Variants in FBP1 observed in about 807,000 individuals in gnomAD.
FBP1 encodes the protein fructose-bisphosphatase 1, also known as fructose-1,6-bisphosphatase 1.
A neutral mutation model predicts 29.9 loss-of-function variants in FBP1; 22 were observed. That is an observed-to-expected ratio of 0.74 (90% CI 0.53 to 1.05). The LOEUF (loss-of-function observed/expected upper bound fraction) is 1.05. Among genes scored for constraint, FBP1 ranks in the 50% least tolerant of loss-of-function variants. FBP1 has a pLI of 0.00. For synonymous variants in FBP1, 175 were observed against 178.6 expected, an observed-to-expected ratio of 0.98 and a Z score of 0.16; for missense variants, 345 against 448.2, an observed-to-expected ratio of 0.77 and a Z score of 2.08.
chr9:94,603,415 A>C lies in FBP1; in HGVS notation c.983T>G (p.Phe328Cys), dbSNP rs1372483594. Residue 328 changes from phenylalanine to cysteine, a missense_variant, in exon 7 of 7, where the codon TTC becomes TGC. Coordinates refer to ENST00000375326, the MANE Select transcript of FBP1 (RefSeq NM_000507.4). The part of the protein sequence containing the change: ...ILGSPDDVLE[F>C]LKVYEKHSAQ ...AGAGTGCTTCTCATACACCTTCAGGAACTCGAGCACGTCGTCGGGGGATCC... is the reference window on the plus strand; with the variant it reads ...AGAGTGCTTCTCATACACCTTCAGGCACTCGAGCACGTCGTCGGGGGATCC... 2 of 1,613,930 alleles carry C rather than the reference A, an allele frequency of 1.2e-6. No individual in the cohort carries two copies. Among genetic ancestry groups the C allele is most frequent in the East Asian group, 4.5e-5 (2 of 44,880 alleles).
intron 1 of FBP1, among the ~76,000 whole-genome samples, chr9:94,620,839 C>A (rs1455130419): frequency 1.3e-5 from 2 of 152,168 alleles, no homozygotes; most frequent in Non-Finnish European, 2.9e-5. Flanking sequence ...GTGCAGCAAA[C>A]CACCATGGCA....
intron 1 of FBP1, among the ~76,000 whole-genome samples, chr9:94,629,655 G>C (rs910020095): frequency 7.2e-5 from 11 of 152,096 alleles, no homozygotes; most frequent in African/African-American, 2.2e-4. Flanking sequence ...TGGGGAGGTA[G>C]GGGGGAGGGT....
chr9:94,635,598 G>T (rs1828180297), intron 1 of FBP1, among the ~76,000 whole-genome samples: 1 of 152,198 alleles, frequency 6.6e-6, no homozygotes, highest in South Asian at 2.1e-4. Flanking sequence ...AATGAATGTA[G>T]GTTGGGGGCC....
Position 94,603,152 on chromosome 9 carries a change from A to G in FBP1, c.*229T>C, listed in dbSNP as rs964620048. 3.5e-6 allele frequency: 2 copies of G among 568,786 alleles called. No homozygotes were observed. The highest frequency in any genetic ancestry group is 3.1e-5 in the Admixed American group (1 of 32,654). The allele number at this position is 568,786 out of a possible 1,614,324, so 35.2% of individuals were successfully genotyped here. ...GGAGACTTTTTTTTAAGGAGGAATA[A>G]GTTTATTTCTCCTCCATCCACTCAA... On this transcript the variant is annotated 3_prime_UTR_variant, in exon 7 of 7. Coordinates refer to ENST00000375326, the MANE Select transcript of FBP1 (RefSeq NM_000507.4).
At chr9:94,607,540 G>C (rs1202346874) in intron 4 of FBP1, among the ~76,000 whole-genome samples, 1 of 152,200 alleles carries the variant, frequency 6.6e-6, no homozygotes, top group East Asian at 1.9e-4. Flanking sequence ...TTTGCTCGCT[G>C]GCGTGTGAAG....
chr9:94,618,071 C>G (rs1273145839), intron 2 of FBP1, among the ~76,000 whole-genome samples: 3 of 152,074 alleles, frequency 2.0e-5, no homozygotes, highest in African/African-American at 7.2e-5. Context: ...GAAAATACCA[C>G]TTAAGAGGTG....
intron 1 of FBP1, among the ~76,000 whole-genome samples, chr9:94,638,634 C>CG (rs3841715): frequency 7.7e-6 from 1 of 129,722 alleles, no homozygotes; most frequent in Non-Finnish European, 1.7e-5. Flanking sequence ...GCGGGGGGGG[C>CG]GGGGGGGACA....
In FBP1 at chr9:94,610,030, G is replaced by A. The variant is rs863223964; in HGVS notation, c.458C>T (p.Ala153Val). 2 of 1,614,038 alleles carry A rather than the reference G, an allele frequency of 1.2e-6. No individual in the cohort carries two copies. Among genetic ancestry groups the A allele is most frequent in the Middle Eastern group, 1.6e-4 (1 of 6,084 alleles). ...KSTDEPSEKD[A>V]LQPGRNLVAA... ...CACCAGGTTCCGGCCTGGTTGCAGAGCATCCTTCTCAGAAGGCTCATCAGT... is the reference window on the plus strand; with the variant it reads ...CACCAGGTTCCGGCCTGGTTGCAGAACATCCTTCTCAGAAGGCTCATCAGT... Residue 153 changes from alanine to valine, a missense_variant, in exon 4 of 7, where the codon GCT becomes GTT. Ala to Val is a moderately conservative substitution (Grantham distance 64). Coordinates refer to ENST00000375326, the MANE Select transcript of FBP1 (RefSeq NM_000507.4).
At chr9:94,605,251 A>ACTC (rs1587852580) in intron 6 of FBP1, among the ~76,000 whole-genome samples, 1 of 152,198 alleles carries the variant, frequency 6.6e-6, no homozygotes, top group East Asian at 1.9e-4. Flanking sequence ...TTGCCATAGC[A>ACTC]CTGGAAGGGC....
chr9:94,631,257 A>C (rs1828101359), intron 1 of FBP1, among the ~76,000 whole-genome samples: 2 of 152,180 alleles, frequency 1.3e-5, no homozygotes, highest in African/African-American at 4.8e-5. Context: ...AGCAGAACTC[A>C]ACTGGAGAAA....
intron 1 of FBP1, among the ~76,000 whole-genome samples, chr9:94,622,547 G>T (rs1827964665): frequency 6.6e-6 from 1 of 152,180 alleles, no homozygotes; most frequent in African/African-American, 2.4e-5. Context: ...CACATGCCTG[G>T]TCCGGCCTGA....
chr9:94,624,904 G>A (rs1828001001), intron 1 of FBP1, among the ~76,000 whole-genome samples: 1 of 152,086 alleles, frequency 6.6e-6, no homozygotes, highest in African/African-American at 2.4e-5. Context: ...TAAATTCAGA[G>A]AGAGGAGACC....
intron 1 of FBP1, among the ~76,000 whole-genome samples, chr9:94,634,347 G>A (rs910430242): frequency 3.3e-5 from 5 of 151,788 alleles, no homozygotes; most frequent in African/African-American, 1.2e-4. Flanking sequence ...TCTATTGCGT[G>A]TTAGAACGAT....
intron 2 of FBP1, among the ~76,000 whole-genome samples, chr9:94,619,244 A>T (rs1341914098): frequency 6.6e-6 from 1 of 152,154 alleles, no homozygotes; most frequent in Non-Finnish European, 1.5e-5. Flanking sequence ...CTATTTTAGG[A>T]ATGATGAAAA....
chr9:94,606,403 C>G (rs531758474), intron 5 of FBP1, among the ~76,000 whole-genome samples: 5 of 152,300 alleles, frequency 3.3e-5, no homozygotes, highest in African/African-American at 1.2e-4. Context: ...CACATTTCAT[C>G]CCATCTGGGA....
chr9:94,636,423 A>G (rs1828190956), intron 1 of FBP1, among the ~76,000 whole-genome samples: 2 of 152,078 alleles, frequency 1.3e-5, no homozygotes, highest in African/African-American at 4.8e-5. Flanking sequence ...GGCTGCAGTG[A>G]GCCATTATCA....
chr9:94,639,215 G>T lies in FBP1; in HGVS notation c.96C>A (p.Thr32=), dbSNP rs765322852. Residue 32 remains threonine, a synonymous_variant, in exon 1 of 7, where the codon ACC becomes ACA. Transcript: ENST00000375326. ...GRKARGTGEL[T]QLLNSLCTAV... ...CTGTGCAGAGCGAGTTGAGCAGCTGGGTCAACTCGCCCGTGCCGCGGGCCT... is the reference window on the plus strand; with the variant it reads ...CTGTGCAGAGCGAGTTGAGCAGCTGTGTCAACTCGCCCGTGCCGCGGGCCT... 7.5e-6 allele frequency: 12 copies of T among 1,601,696 alleles called. No homozygotes were observed. The highest frequency in any genetic ancestry group is 1.0e-5 in the Non-Finnish European group (12 of 1,174,626).
Position 94,606,817 on chromosome 9 carries a change from G to C in FBP1, c.703C>G (p.Pro235Ala). 6.2e-7 allele frequency: 1 copy of C among 1,613,568 alleles called. No homozygotes were observed. The highest frequency in any genetic ancestry group is 8.5e-7 in the Non-Finnish European group (1 of 1,179,694). The part of the protein sequence containing the change: ...TEYIQRKKFP[P>A]DNSAPYGARY... ...ACCCTCCCCGGGCCCTCACTTACTG[G>C]GGGGAACTTCTTCCTCTGGATGTAC... The change falls in exon 5 of 7, where the codon CCA (proline) becomes GCA (alanine). Residue 235 changes from proline to alanine, a missense_variant and splice_region_variant. Physicochemically the swap from Pro to Ala is conservative, Grantham distance 27. Transcript: ENST00000375326.
At chr9:94,610,495 G>A (rs1290651335) in intron 3 of FBP1, among the ~76,000 whole-genome samples, 1 of 152,204 alleles carries the variant, frequency 6.6e-6, no homozygotes, top group Non-Finnish European at 1.5e-5. Context: ...GTGAGCTCTT[G>A]CCGCTGCAGC....
Sources: gnomAD v4.1 joint callset for allele counts (sites outside exome capture counted in the v4.1 genomes callset) on GRCh38, gnomAD v4.1.1 for gene constraint, MANE v1.5 for transcripts, NCBI Gene and HGNC (gene_info 2026-07-23, HGNC 2026-07-21) for gene names.